Variants in NID2 observed in about 807,000 individuals in gnomAD.
NID2 encodes nidogen 2.
In NID2, 83 loss-of-function variants were observed where a neutral mutation model predicts 145.4. The observed-to-expected ratio is 0.57, with a 90% CI of 0.48 to 0.69. The LOEUF (loss-of-function observed/expected upper bound fraction) is 0.69. Ranked by LOEUF, NID2 falls within the 30% of genes least tolerant of loss-of-function variation. The pLI is 0.00. For missense variants in NID2, 1,807 were observed against 1,765.7 expected (o/e 1.02, Z -0.42); for synonymous variants, 739 against 701.3 (o/e 1.05, Z -0.85).
intron 1 of NID2, among the ~76,000 whole-genome samples, chr14:52,068,391 C>G (rs1334907185): frequency 6.6e-6 from 1 of 152,230 alleles, no homozygotes; most frequent in Non-Finnish European, 1.5e-5. Context: ...TCTCACTCCC[C>G]TCACAACCCC....
At chr14:52,031,856 G>GT (rs1891882155) in intron 9 of NID2, among the ~76,000 whole-genome samples, 1 of 152,218 alleles carries the variant, frequency 6.6e-6, no homozygotes, top group South Asian at 2.1e-4. Context: ...TGACCCTGTT[G>GT]TTCTCCATTG....
At chr14:52,040,079 C>T (rs905774016) in intron 8 of NID2, among the ~76,000 whole-genome samples, 1 of 152,040 alleles carries the variant, frequency 6.6e-6, no homozygotes, top group Admixed American at 6.5e-5. Context: ...TAGCTGGGAT[C>T]GCAGGAGCGT....
intron 9 of NID2, 46 bp downstream of exon 9, chr14:52,038,701 T>C: frequency 6.9e-7 from 1 of 1,441,068 alleles, no homozygotes; most frequent in South Asian, 1.4e-5. Context: ...CTAACTCTAC[T>C]TAAAAGGATG....
intron 9 of NID2, among the ~76,000 whole-genome samples, chr14:52,033,605 T>C (rs1250848165): frequency 7.2e-5 from 1 of 13,814 alleles, no homozygotes. Context: ...CTGTTTCACA[T>C]GAATTCCAAC....
intron 20 of NID2, 83 bp downstream of exon 20, chr14:52,006,454 G>GGTACTGACTTTTGGTAAA: frequency 6.5e-7 from 1 of 1,535,954 alleles, no homozygotes; most frequent in Non-Finnish European, 8.9e-7. Context: ...AGTCAAGTCA[G>GGTACTGACTTTTGGTAAA]GTACTGACTT....
rs1594991705 is a variant in NID2 at position 52,005,466 on chromosome 14, C to G, written c.*20G>C. 11 of 1,581,442 alleles carry G rather than the reference C, an allele frequency of 7.0e-6. No individual in the cohort carries two copies. In the East Asian group the frequency reaches 2.2e-4, roughly 32 times the overall value. Reference sequence around the variant, plus strand: ...CAGGTTCTGATTGTAAACTCCAAGTCTTCCTTTACATTACTGTACTTACTT... The same window carrying G: ...CAGGTTCTGATTGTAAACTCCAAGTGTTCCTTTACATTACTGTACTTACTT... On this transcript the variant is annotated 3_prime_UTR_variant, in exon 22 of 22. Coordinates refer to ENST00000216286, the MANE Select transcript of NID2 (RefSeq NM_007361.4).
At position 52,019,046 on chromosome 14, in the gene NID2, C is replaced by G; in HGVS notation, c.3028+15G>C. ...CAGTGCCATTCTGCTTCTTGAGCCCCAGGCCTAAGCTCACCTGGTGATGGT... is the reference window on the plus strand; with the variant it reads ...CAGTGCCATTCTGCTTCTTGAGCCCGAGGCCTAAGCTCACCTGGTGATGGT... On this transcript the variant is annotated intron_variant, in intron 14 of 21. Coordinates refer to ENST00000216286, the MANE Select transcript of NID2 (RefSeq NM_007361.4). The G allele has an allele frequency of 5.0e-6, 8 of 1,603,604 alleles. No homozygotes were observed. Among genetic ancestry groups the G allele is most frequent in the Non-Finnish European group, 6.8e-6 (8 of 1,171,614 alleles).
At chr14:52,012,421 A>G (rs1012330965) in intron 16 of NID2, among the ~76,000 whole-genome samples, 1 of 152,186 alleles carries the variant, frequency 6.6e-6, no homozygotes, top group Non-Finnish European at 1.5e-5. Flanking sequence ...CAACATAGTG[A>G]GACCCCGTCT....
At position 52,015,458 on chromosome 14, in the gene NID2, A is replaced by G. The variant is rs548019646; in HGVS notation, c.3029-183T>C. Among the ~76,000 whole-genome samples the G allele has an allele frequency of 4.6e-5, 7 of 152,300 alleles. No individual in the cohort carries two copies. In the East Asian group the frequency reaches 1.2e-3, roughly 25 times the overall value. On this transcript the variant is annotated intron_variant, in intron 14 of 21. Transcript: ENST00000216286. ...AATGTGTTCTAAGTACTTCTCCACC[A>G]TGGGAATCAGAAATAGATCATGTGA...
At chr14:52,067,463 G>A (rs1893259586) in intron 2 of NID2, among the ~76,000 whole-genome samples, 1 of 152,094 alleles carries the variant, frequency 6.6e-6, no homozygotes, top group South Asian at 2.1e-4. Flanking sequence ...ATGAGTGGTT[G>A]TTTTCTTTTT....
At chr14:52,037,431 C>T (rs970760104) in intron 9 of NID2, among the ~76,000 whole-genome samples, 10 of 152,146 alleles carry the variant, frequency 6.6e-5, no homozygotes, top group African/African-American at 2.4e-4. Context: ...TCTCCTAATG[C>T]TATCCCTCCC....
intron 9 of NID2, among the ~76,000 whole-genome samples, chr14:52,030,577 G>GAAAGAAAGAAAGAAAGAAAGAAA (rs1566755681): frequency 2.2e-5 from 2 of 92,954 alleles, no homozygotes; most frequent in African/African-American, 7.9e-5. Flanking sequence ...AGGAAGGAAG[G>GAAAGAAAGAAAGAAAGAAAGAAA]GAAAGAAAGA....
chr14:52,067,965 C>T lies in NID2; in HGVS notation c.427G>A (p.Gly143Ser). The change falls in exon 2 of 22, where the codon GGC becomes AGC. Residue 143 changes from glycine to serine, a missense_variant. Physicochemically the swap from Gly to Ser is moderately conservative, Grantham distance 56. Coordinates refer to ENST00000216286, the MANE Select transcript of NID2 (RefSeq NM_007361.4). The stretch of plus-strand genomic sequence containing the variant: ...GTAAAGCGCGCAGAGCGCGGGAAGC[C>T]AGCGCGCACATAGCGGGCGGCCAGG... ...LGLAARYVRAGFPRSARFTPT... is the reference protein window; with the variant it reads ...LGLAARYVRASFPRSARFTPT... 3.7e-6 allele frequency: 6 copies of T among 1,611,198 alleles called. No homozygotes were observed. The highest frequency in any genetic ancestry group is 5.1e-6 in the Non-Finnish European group (6 of 1,178,856).
rs143803100 is a variant in NID2, at chr14:52,011,628, G to A, written c.3476C>T (p.Thr1159Ile). Residue 1159 changes from threonine to isoleucine, a missense_variant, in exon 17 of 22, where the codon ACA (threonine) becomes ATA (isoleucine). Physicochemically the swap from Thr to Ile is moderately conservative, Grantham distance 89. Transcript: ENST00000216286. The stretch of plus-strand genomic sequence containing the variant: ...GCTGATTGTCCGTCCAGCAACATCT[G>A]TCCAGTACACCATCCTCTCCCGGCA... ...YDCRERMVYW[T>I]DVAGRTISRA... 5.0e-6 allele frequency: 8 copies of A among 1,614,090 alleles called. No individual in the cohort carries two copies. The highest frequency in any genetic ancestry group is 6.8e-6 in the Non-Finnish European group (8 of 1,180,042).
intron 14 of NID2, 133 bp downstream of exon 14, chr14:52,018,928 A>C: frequency 1.5e-6 from 1 of 649,352 alleles, no homozygotes; most frequent in Non-Finnish European, 2.8e-6. Context: ...ACGCACTATT[A>C]TTCAAGTCTT....
intron 2 of NID2, among the ~76,000 whole-genome samples, chr14:52,067,461 T>A (rs1893259456): frequency 6.6e-6 from 1 of 152,114 alleles, no homozygotes; most frequent in Non-Finnish European, 1.5e-5. Context: ...AAATGAGTGG[T>A]TGTTTTCTTT....
In NID2 at chr14:52,005,324, A is replaced by G; in HGVS notation, c.*162T>C. On this transcript the variant is annotated 3_prime_UTR_variant, in exon 22 of 22. Coordinates refer to ENST00000216286, the MANE Select transcript of NID2 (RefSeq NM_007361.4). ...ATACAGTAGTAAAGATTGAGGTATC[A>G]GCTTTTCACAAAAGTCTTTTTGCAC... The G allele has an allele frequency of 2.0e-6, 1 of 510,708 alleles. No homozygotes were observed. Among genetic ancestry groups the G allele is most frequent in the Non-Finnish European group, 3.3e-6 (1 of 305,704 alleles). The allele number at this position is 510,708 out of a possible 1,614,324, so 31.6% of individuals were successfully genotyped here. A position where few individuals can be genotyped will look rare whatever the true frequency, so the allele number is the denominator to read the frequency against.
In NID2 at chr14:52,005,815, G is replaced by C. The variant is rs1479261799; in HGVS notation, c.4039C>G (p.Gln1347Glu). ...GVVSVNKHSG[Q>E]FTDEYLPEQR... is the part of the protein sequence containing the mutation. ...TCTGGGAGATACTCATCAGTAAACT[G>C]GCCACTATGTTTATTTACTGATACA... The change falls in exon 21 of 22, where the codon CAG becomes GAG. Residue 1347 changes from glutamine to glutamate, a missense_variant. By Grantham distance (29) the Gln-to-Glu change is conservative. Coordinates refer to ENST00000216286, the MANE Select transcript of NID2 (RefSeq NM_007361.4). 12 of 1,613,434 alleles carry C rather than the reference G, an allele frequency of 7.4e-6. No individual in the cohort carries two copies. Among genetic ancestry groups the C allele is most frequent in the Non-Finnish European group, 1.0e-5 (12 of 1,179,526 alleles).
In NID2 at chr14:52,042,174, T is replaced by C. The variant is rs1892304178; in HGVS notation, c.1756A>G (p.Ile586Val). The C allele has an allele frequency of 3.7e-6, 6 of 1,613,586 alleles. No individual in the cohort carries two copies. Among genetic ancestry groups the C allele is most frequent in the Middle Eastern group, 1.6e-4 (1 of 6,082 alleles). Residue 586 changes from isoleucine (I) to valine (V), a missense_variant, in exon 7 of 22, where the codon ATT becomes GTT. Ile to Val is a conservative substitution (Grantham distance 29). Coordinates refer to ENST00000216286, the MANE Select transcript of NID2 (RefSeq NM_007361.4). ...AAQALLPLTP[I>V]GGLFGWLFAL... Reference sequence around the variant, plus strand: ...AAGAGCCAGCCAAACAGGCCTCCAATTGGTGTGAGGGGGAGGAGGGCCTGG... The same window carrying C: ...AAGAGCCAGCCAAACAGGCCTCCAACTGGTGTGAGGGGGAGGAGGGCCTGG...
Sources: gnomAD v4.1 joint callset for allele counts (sites outside exome capture counted in the v4.1 genomes callset) on GRCh38, gnomAD v4.1.1 for gene constraint, MANE v1.5 for transcripts, NCBI Gene and HGNC (gene_info 2026-07-23, HGNC 2026-07-21) for gene names.